CYP2U1: variants seen among roughly 807,000 people sequenced by gnomAD.
CYP2U1 encodes cytochrome P450 2U1.
CYP2U1 carries 28 observed loss-of-function variants against 42.8 expected under a neutral mutation model. The ratio of observed to expected loss-of-function variants is 0.65; its 90% CI spans 0.48 to 0.90. CYP2U1 has a LOEUF of 0.90. Ranked by LOEUF, CYP2U1 falls within the 40% of genes least tolerant of loss-of-function variation. CYP2U1 has a pLI of 0.00. For missense variants in CYP2U1, 642 were observed against 693.8 expected, an observed-to-expected ratio of 0.93 and a Z score of 0.84; for synonymous variants, 296 against 278.9, an observed-to-expected ratio of 1.06 and a Z score of -0.61.
intron 1 of CYP2U1, among the ~76,000 whole-genome samples, chr4:107,942,054 G>A (rs984112119): frequency 6.6e-6 from 1 of 152,148 alleles, no homozygotes; most frequent in Admixed American, 6.5e-5. Context: ...TCATAAAGAA[G>A]GCAGTTTTCA....
At chr4:107,944,531 C>T (rs1441193384) in intron 1 of CYP2U1, among the ~76,000 whole-genome samples, 2 of 151,196 alleles carry the variant, frequency 1.3e-5, no homozygotes, top group Non-Finnish European at 2.9e-5. Context: ...GTCTGGAACT[C>T]CTGGCTTCAA....
At chr4:107,942,317 C>T (rs1578724086) in intron 1 of CYP2U1, among the ~76,000 whole-genome samples, 1 of 152,202 alleles carries the variant, frequency 6.6e-6, no homozygotes, top group East Asian at 1.9e-4. Context: ...CAAATGCCTC[C>T]TATGCTCTGT....
chr4:107,947,355 T>C, intron 2 of CYP2U1, 21 bp from the exon 3 acceptor site: 2 of 1,613,300 alleles, frequency 1.2e-6, no homozygotes, highest in Non-Finnish European at 1.7e-6. Flanking sequence ...TCTTCTGGTT[T>C]ATTTTTCCCT....
intron 1 of CYP2U1, among the ~76,000 whole-genome samples, chr4:107,942,763 A>G (rs193208178): frequency 2.0e-5 from 3 of 152,334 alleles, no homozygotes; most frequent in Admixed American, 2.0e-4. Flanking sequence ...CCTACCTCAC[A>G]ATAGGTAGCA....
chr4:107,949,538 C>T, intron 4 of CYP2U1, 21 bp downstream of exon 4: 1 of 1,494,130 alleles, frequency 6.7e-7, no homozygotes, highest in Non-Finnish European at 9.0e-7. Flanking sequence ...CTTTTTTAAA[C>T]TGCATAATTT....
intron 1 of CYP2U1, among the ~76,000 whole-genome samples, chr4:107,944,037 T>C (rs569394594): frequency 4.0e-4 from 61 of 152,320 alleles, no homozygotes; most frequent in African/African-American, 1.3e-3. Context: ...ACAACAGACA[T>C]TTTAGATTAC....
In CYP2U1 at chr4:107,932,001, T is replaced by C. The variant is rs763896315; in HGVS notation, c.358T>C (p.Phe120Leu). The C allele has an allele frequency of 4.8e-5, 75 of 1,556,014 alleles. No homozygotes were observed. In the South Asian group the frequency reaches 5.6e-4, roughly 12 times the overall value. Reference protein sequence around the residue: ...LARVYGSIFSFFIGHYLVVVL... With the variant: ...LARVYGSIFSLFIGHYLVVVL... The stretch of plus-strand genomic sequence containing the variant: ...CCGCGTGTACGGCAGCATCTTCAGC[T>C]TCTTTATCGGCCACTACCTGGTGGT... The change falls in exon 1 of 5, where the codon TTC (phenylalanine) becomes CTC (leucine). Residue 120 changes from phenylalanine (F) to leucine (L), a missense_variant. Transcript: ENST00000332884.
rs1732986211 is a variant in CYP2U1, at chr4:107,931,759, T to C, written c.116T>C (p.Leu39Pro). 4.1e-6 allele frequency: 6 copies of C among 1,456,574 alleles called. No individual in the cohort carries two copies. In the South Asian group the frequency reaches 4.2e-5, roughly 10 times the overall value. 90.2% of individuals were successfully genotyped at this position (1,456,574 alleles called of 1,614,324 possible). A position where few individuals can be genotyped will look rare whatever the true frequency, so the allele number is the denominator to read the frequency against. Residue 39 changes from leucine (L) to proline (P), a missense_variant, in exon 1 of 5, where the codon CTA (leucine) becomes CCA (proline). Leu to Pro is a moderately conservative substitution (Grantham distance 98). Coordinates refer to ENST00000332884, the MANE Select transcript of CYP2U1 (RefSeq NM_183075.3). ...GACCCCAGCGGGGGCGCGCTGCTGC[T>C]ATGCGGCCTCGTAGCGCTGCTGGGC... is the stretch of plus-strand genomic sequence containing the variant. ...RLDPSGGALLLCGLVALLGWS... is the reference protein window; with the variant it reads ...RLDPSGGALLPCGLVALLGWS...
At chr4:107,933,254 G>A (rs1733113014) in intron 1 of CYP2U1, among the ~76,000 whole-genome samples, 1 of 152,178 alleles carries the variant, frequency 6.6e-6, no homozygotes, top group Non-Finnish European at 1.5e-5. Flanking sequence ...TGGATGGATG[G>A]TAGCAATGGT....
At chr4:107,950,188 G>C in intron 4 of CYP2U1, 57 bp from the exon 5 acceptor site, 1 of 1,474,526 alleles carries the variant, frequency 6.8e-7, no homozygotes, top group Non-Finnish European at 9.1e-7. Context: ...TGTACTTTTT[G>C]AAATAGGAGA....
At position 107,945,598 on chromosome 4, in the gene CYP2U1, T is replaced by C. The variant is rs146900161; in HGVS notation, c.1119T>C (p.Asp373=). 71 of 1,567,116 alleles carry C rather than the reference T, an allele frequency of 4.5e-5. No homozygotes were observed. In the East Asian group the frequency reaches 1.5e-3, roughly 34 times the overall value. Residue 373 remains aspartate (D), a synonymous_variant, in exon 2 of 5, where the codon GAT becomes GAC. Coordinates refer to ENST00000332884, the MANE Select transcript of CYP2U1 (RefSeq NM_183075.3). ...TGCTGTATATGTCGCTGAACCCCGA[T>C]GTACAAGGTAATTAATAGGTGTTTC... ...WCLLYMSLNP[D]VQEKVHEEIE...
intron 1 of CYP2U1, 188 bp downstream of exon 1, chr4:107,932,321 AGTAGTGACGGACGC>A: frequency 1.6e-6 from 1 of 610,794 alleles, no homozygotes; most frequent in Non-Finnish European, 2.1e-6. Context: ...GATCCCATCA[AGTAGTGACGGACGC>A]GTGACTTGCT....
rs1227294618 is a variant in CYP2U1 at position 107,952,779 on chromosome 4, A to C, written c.*2356A>C. On this transcript the variant is annotated 3_prime_UTR_variant, in exon 5 of 5. Coordinates refer to ENST00000332884, the MANE Select transcript of CYP2U1 (RefSeq NM_183075.3). ...AATAATATCTGCTTAACCAAAACAT[A>C]ATCATAGGAAGAAGAAAAATTTTAA... 2.0e-5 allele frequency: 3 copies of C among 152,242 alleles called. No homozygotes were observed. The highest frequency in any genetic ancestry group is 4.4e-5 in the Non-Finnish European group (3 of 68,042). 9.4% of individuals were successfully genotyped at this position (152,242 alleles called of 1,614,324 possible).
chr4:107,947,990 G>C (rs768463928), intron 3 of CYP2U1, among the ~76,000 whole-genome samples: 1 of 152,132 alleles, frequency 6.6e-6, no homozygotes, highest in Middle Eastern at 3.2e-3. Flanking sequence ...TTAGAAGGCC[G>C]GGTGTGGTGG....
chr4:107,945,284 C>G lies in CYP2U1; in HGVS notation c.805C>G (p.Leu269Val). ...LEICLNSQVL[L>V]VNICPWLYYL... ...AATCTGTCTGAACAGTCAAGTCCTC[C>G]TGGTCAACATATGCCCTTGGCTTTA... Residue 269 changes from leucine to valine, a missense_variant, in exon 2 of 5, where the codon CTG (leucine) becomes GTG (valine). Leu to Val is a conservative substitution (Grantham distance 32). Transcript: ENST00000332884. 5.6e-6 allele frequency: 9 copies of G among 1,614,064 alleles called. No homozygotes were observed. The highest frequency in any genetic ancestry group is 7.6e-6 in the Non-Finnish European group (9 of 1,180,004).
chr4:107,931,720 G>T lies in CYP2U1; in HGVS notation c.77G>T (p.Gly26Val). 7.2e-7 allele frequency: 1 copy of T among 1,396,036 alleles called. No individual in the cohort carries two copies. The highest frequency in any genetic ancestry group is 9.2e-7 in the Non-Finnish European group (1 of 1,085,064). The allele number at this position is 1,396,036 out of a possible 1,614,324, so 86.5% of individuals were successfully genotyped here. Residue 26 changes from glycine to valine, a missense_variant, in exon 1 of 5, where the codon GGG (glycine) becomes GTG (valine). Physicochemically the swap from Gly to Val is moderately radical, Grantham distance 109 (BLOSUM62 -3). Transcript: ENST00000332884. Reference protein sequence around the residue: ...WPARLLRAPLGLLRLDPSGGA... With the variant: ...WPARLLRAPLVLLRLDPSGGA... ...GCGCGCCTCCTGCGTGCGCCTCTGG[G>T]GCTGCTGCGGCTGGACCCCAGCGGG...
At chr4:107,948,317 A>T (rs985915553) in intron 3 of CYP2U1, among the ~76,000 whole-genome samples, 6 of 150,496 alleles carry the variant, frequency 4.0e-5, no homozygotes, top group Non-Finnish European at 7.4e-5. Context: ...TAATCCCAGC[A>T]CTTTGGGAGG....
intron 1 of CYP2U1, among the ~76,000 whole-genome samples, chr4:107,933,243 A>G (rs781174121): frequency 5.9e-5 from 9 of 152,234 alleles, no homozygotes; most frequent in Admixed American, 1.3e-4. Context: ...AAAAAGTTCT[A>G]TGGATGGATG....
chr4:107,942,441 A>C (rs1733531501), intron 1 of CYP2U1, among the ~76,000 whole-genome samples: 1 of 152,262 alleles, frequency 6.6e-6, no homozygotes, highest in Non-Finnish European at 1.5e-5. Context: ...AGTTTTTGAA[A>C]CAGTTTTTAA....
Sources: gnomAD v4.1 joint callset for allele counts (sites outside exome capture counted in the v4.1 genomes callset) on GRCh38, gnomAD v4.1.1 for gene constraint, MANE v1.5 for transcripts, NCBI Gene and HGNC (gene_info 2026-07-23, HGNC 2026-07-21) for gene names.